CSMD1: variants seen among roughly 807,000 people sequenced by gnomAD.
The protein encoded by CSMD1 is CUB and Sushi multiple domains 1, also known as CUB and sushi domain-containing protein 1.
CSMD1 carries 213 observed loss-of-function variants against 417.5 expected under a neutral mutation model. The ratio of observed to expected loss-of-function variants is 0.51; its 90% CI spans 0.46 to 0.57. The LOEUF (loss-of-function observed/expected upper bound fraction) is 0.57. CSMD1 is among the 20% of genes least tolerant of loss of function. The probability of loss-of-function intolerance (pLI) is 0.00; values close to 1 mark genes in which losing one functional copy is unlikely to be tolerated. For missense variants in CSMD1, 6,923 were observed against 4,529.7 expected (o/e 1.53, Z -15.17); for synonymous variants, 2,862 against 1,736.8 (o/e 1.65, Z -16.11).
At chr8:2,941,349 A>T (rs954842947) in intron 69 of CSMD1, among the ~76,000 whole-genome samples, 1 of 152,256 alleles carries the variant, frequency 6.6e-6, no homozygotes, top group African/African-American at 2.4e-5. Context: ...TAATATCATG[A>T]CAGTTTTTCT....
At position 3,428,268 on chromosome 8, in the gene CSMD1, AAAAC is replaced by A. The variant is rs547544195; in HGVS notation, c.1562-18667_1562-18664del. ...GGGGGGACCTTAAAAGTCACTTTAG[AAAAC>A]AAACAAACGGCTCTGCAGCCAGAAC... On this transcript the variant is annotated intron_variant, in intron 12 of 69. Coordinates refer to ENST00000635120, the MANE Select transcript of CSMD1 (RefSeq NM_033225.6). Among the ~76,000 whole-genome samples the A allele has an allele frequency of 7.8e-4, 119 of 152,304 alleles. 3 individuals are homozygous for A. The South Asian group carries it at 0.01, about 13-fold the overall frequency.
chr8:3,393,381 C>T (rs890961328), intron 17 of CSMD1, among the ~76,000 whole-genome samples: 3 of 152,178 alleles, frequency 2.0e-5, no homozygotes, highest in African/African-American at 4.8e-5. Context: ...GACTCTCCAG[C>T]AGATCAGAAC....
At chr8:3,520,039 T>TATAC (rs545212684) in intron 10 of CSMD1, among the ~76,000 whole-genome samples, 11 of 147,068 alleles carry the variant, frequency 7.5e-5, no homozygotes, top group African/African-American at 1.6e-4. Context: ...TATATATATA[T>TATAC]ACACGTATAG....
At chr8:4,940,714 T>C (rs536969324) in intron 1 of CSMD1, among the ~76,000 whole-genome samples, 1 of 152,320 alleles carries the variant, frequency 6.6e-6, no homozygotes, top group African/African-American at 2.4e-5. Context: ...AAAATATGCA[T>C]GTTTTGCTCA....
At chr8:3,941,551 T>G (rs1487002646) in intron 5 of CSMD1, among the ~76,000 whole-genome samples, 1 of 152,170 alleles carries the variant, frequency 6.6e-6, no homozygotes, top group Non-Finnish European at 1.5e-5. Context: ...CTCCGAGCAG[T>G]GGGTTTCCTT....
chr8:3,498,994 T>C (rs1468397280), intron 10 of CSMD1, among the ~76,000 whole-genome samples: 1 of 152,184 alleles, frequency 6.6e-6, no homozygotes, highest in Admixed American at 6.5e-5. Flanking sequence ...TTTGTAGCTG[T>C]CCTTTTCTTT....
chr8:4,935,817 G>A (rs937122704), intron 1 of CSMD1, among the ~76,000 whole-genome samples: 41 of 152,206 alleles, frequency 2.7e-4, no homozygotes, highest in African/African-American at 8.9e-4. Flanking sequence ...TTGAGAGAGT[G>A]CTCGGCCTGC....
At position 4,296,104 on chromosome 8, in the gene CSMD1, A is replaced by G. The variant is rs1012625101; in HGVS notation, c.415+123849T>C. Among the ~76,000 whole-genome samples, 3 of 152,130 alleles carry G rather than the reference A, an allele frequency of 2.0e-5. No individual in the cohort carries two copies. The East Asian group carries it at 5.8e-4, about 29-fold the overall frequency. On this transcript the variant is annotated intron_variant, in intron 3 of 69. Coordinates refer to ENST00000635120, the MANE Select transcript of CSMD1 (RefSeq NM_033225.6). ...CTCTGTTGTTTTTCTCTTTGCAAGG[A>G]GAGAAATCTTAATCAAAACCACAAT...
intron 23 of CSMD1, among the ~76,000 whole-genome samples, chr8:3,329,101 G>A (rs1806723484): frequency 1.3e-5 from 2 of 152,128 alleles, no homozygotes; most frequent in East Asian, 1.9e-4. Context: ...GAGAGAAGAT[G>A]CCAGATGTTG....
At chr8:4,948,762 C>G (rs1563843288) in intron 1 of CSMD1, among the ~76,000 whole-genome samples, 1 of 152,050 alleles carries the variant, frequency 6.6e-6, no homozygotes, top group Non-Finnish European at 1.5e-5. Flanking sequence ...TAGTTTCTTT[C>G]TTTATAACCC....
chr8:4,231,348 C>T (rs1490834780), intron 3 of CSMD1, among the ~76,000 whole-genome samples: 4 of 152,146 alleles, frequency 2.6e-5, no homozygotes, highest in Non-Finnish European at 4.4e-5. Flanking sequence ...AATAAATCAC[C>T]TAGCATTGCT....
At chr8:4,106,334 C>T (rs57994375) in intron 3 of CSMD1, among the ~76,000 whole-genome samples, 6,069 of 152,236 alleles carry the variant, frequency 0.04, 427 homozygotes, top group African/African-American at 0.14. Flanking sequence ...GAAGTATCCA[C>T]AATACCTATA....
chr8:3,244,015 C>T (rs1000014284), intron 26 of CSMD1, among the ~76,000 whole-genome samples: 1 of 152,020 alleles, frequency 6.6e-6, no homozygotes, highest in African/African-American at 2.4e-5. Context: ...CTGCGTACCT[C>T]GATAGATAAA....
At chr8:4,286,947 A>G (rs1406409857) in intron 3 of CSMD1, among the ~76,000 whole-genome samples, 1 of 152,204 alleles carries the variant, frequency 6.6e-6, no homozygotes, top group East Asian at 1.9e-4. Context: ...GTCAATAACA[A>G]TTCCATAGAG....
intron 3 of CSMD1, among the ~76,000 whole-genome samples, chr8:4,360,346 C>A (rs965524278): frequency 1.1e-4 from 16 of 152,196 alleles, no homozygotes; most frequent in Non-Finnish European, 2.1e-4. Context: ...TTATCTGTTG[C>A]ATGATTAACA....
intron 2 of CSMD1, among the ~76,000 whole-genome samples, chr8:4,628,463 T>G (rs1802264268): frequency 6.7e-6 from 1 of 149,584 alleles, no homozygotes; most frequent in Admixed American, 6.7e-5. Context: ...TACATATATA[T>G]GTATATGTAT....
chr8:4,976,272 G>C (rs142889745), intron 1 of CSMD1, among the ~76,000 whole-genome samples: 2 of 152,192 alleles, frequency 1.3e-5, no homozygotes, highest in East Asian at 1.9e-4. Context: ...TGCGTAACAA[G>C]TAATAATTTA....
At chr8:2,971,333 C>T (rs1221798351) in intron 57 of CSMD1, among the ~76,000 whole-genome samples, 1 of 152,164 alleles carries the variant, frequency 6.6e-6, no homozygotes, top group African/African-American at 2.4e-5. Context: ...CGAGACCACA[C>T]ATTGCACTTA....
chr8:4,138,169 C>CCT (rs1301769864), intron 3 of CSMD1, among the ~76,000 whole-genome samples: 1 of 143,776 alleles, frequency 7.0e-6, no homozygotes, highest in African/African-American at 2.6e-5. Context: ...CCCACCTGGG[C>CCT]CTCCCAAAGT....
Sources: gnomAD v4.1 joint callset for allele counts (sites outside exome capture counted in the v4.1 genomes callset) on GRCh38, gnomAD v4.1.1 for gene constraint, MANE v1.5 for transcripts, NCBI Gene and HGNC (gene_info 2026-07-23, HGNC 2026-07-21) for gene names.